Variants in DNM3 observed in about 807,000 individuals in gnomAD.
DNM3 encodes dynamin 3, also known as dynamin-3.
DNM3 carries 47 observed loss-of-function variants against 101.6 expected under a neutral mutation model. The observed-to-expected ratio is 0.46, with a 90% CI of 0.37 to 0.59. The LOEUF (loss-of-function observed/expected upper bound fraction) is 0.59. DNM3 is among the 20% of genes least tolerant of loss of function. The pLI is 0.00. For missense variants in DNM3, 849 were observed against 1,085.7 expected (o/e 0.78, Z 3.06); for synonymous variants, 385 against 387.9 (o/e 0.99, Z 0.09).
intron 14 of DNM3, among the ~76,000 whole-genome samples, chr1:172,181,340 A>T (rs1024907131): frequency 6.6e-6 from 1 of 151,114 alleles, no homozygotes; most frequent in Admixed American, 6.6e-5. Context: ...TTTCCTCTTG[A>T]TGAATCCTTT....
At chr1:172,081,509 C>G (rs575106663) in intron 11 of DNM3, among the ~76,000 whole-genome samples, 1 of 152,290 alleles carries the variant, frequency 6.6e-6, no homozygotes, top group South Asian at 2.1e-4. Context: ...GCTTGTCCTT[C>G]TTTTGAACAG....
At chr1:171,886,883 G>A (rs2036826099) in intron 1 of DNM3, among the ~76,000 whole-genome samples, 1 of 152,014 alleles carries the variant, frequency 6.6e-6, no homozygotes, top group Non-Finnish European at 1.5e-5. Context: ...GCACAGATTT[G>A]TCATCGTTTC....
chr1:172,082,195 A>G (rs1298271122), intron 12 of DNM3, among the ~76,000 whole-genome samples: 1 of 152,210 alleles, frequency 6.6e-6, no homozygotes, highest in African/African-American at 2.4e-5. Context: ...TTGAACTCCT[A>G]TAGAAAAACA....
At chr1:172,028,780 C>T (rs1054254499) in intron 4 of DNM3, among the ~76,000 whole-genome samples, 1 of 152,088 alleles carries the variant, frequency 6.6e-6, no homozygotes, top group Non-Finnish European at 1.5e-5. Flanking sequence ...ACTATAAACA[C>T]CTCTATGCAA....
intron 14 of DNM3, among the ~76,000 whole-genome samples, chr1:172,198,028 A>C (rs1381320622): frequency 1.3e-5 from 2 of 151,980 alleles, no homozygotes; most frequent in African/African-American, 4.8e-5. Flanking sequence ...CATTCAGTAA[A>C]ATGTTAGCTG....
At chr1:172,244,251 A>G (rs1332112936) in intron 14 of DNM3, among the ~76,000 whole-genome samples, 1 of 151,934 alleles carries the variant, frequency 6.6e-6, no homozygotes, top group Non-Finnish European at 1.5e-5. Context: ...ACATTTTCTT[A>G]ATCCAGTCTA....
At chr1:172,333,468 C>T (rs566550713) in intron 17 of DNM3, among the ~76,000 whole-genome samples, 2 of 152,176 alleles carry the variant, frequency 1.3e-5, no homozygotes, top group South Asian at 4.1e-4. Context: ...AGACAAATAT[C>T]CCAGAACAAA....
At chr1:171,992,903 G>A (rs2045731652) in intron 4 of DNM3, among the ~76,000 whole-genome samples, 1 of 151,426 alleles carries the variant, frequency 6.6e-6, no homozygotes, top group South Asian at 2.1e-4. Context: ...GGTTGCCATA[G>A]GATTACAATT....
At chr1:171,874,077 A>T (rs2035544412) in intron 1 of DNM3, among the ~76,000 whole-genome samples, 1 of 152,204 alleles carries the variant, frequency 6.6e-6, no homozygotes, top group South Asian at 2.1e-4. Context: ...AACTCATTTG[A>T]ACATTTATTG....
At chr1:171,901,516 G>A (rs1023338139) in intron 1 of DNM3, among the ~76,000 whole-genome samples, 3 of 152,186 alleles carry the variant, frequency 2.0e-5, no homozygotes. Flanking sequence ...GTGGGTGAGG[G>A]CAGGCACACT....
At chr1:172,057,824 G>A (rs1303357742) in intron 10 of DNM3, among the ~76,000 whole-genome samples, 1 of 149,872 alleles carries the variant, frequency 6.7e-6, no homozygotes, top group Non-Finnish European at 1.5e-5. Flanking sequence ...ATAATGACAG[G>A]ATCAAATTCA....
At chr1:172,290,980 G>A (rs563063483) in intron 15 of DNM3, among the ~76,000 whole-genome samples, 1 of 77,774 alleles carries the variant, frequency 1.3e-5, no homozygotes, top group East Asian at 4.0e-4. Flanking sequence ...GAGGACAGAG[G>A]GGGAGTGGTC....
chr1:172,336,827 G>C (rs2066454009), intron 17 of DNM3, among the ~76,000 whole-genome samples: 1 of 152,230 alleles, frequency 6.6e-6, no homozygotes, highest in South Asian at 2.1e-4. Context: ...TCAAATCCCA[G>C]CTCTGCTGCT....
At chr1:172,174,103 TTTCA>T (rs1414289968) in intron 14 of DNM3, among the ~76,000 whole-genome samples, 3 of 151,688 alleles carry the variant, frequency 2.0e-5, no homozygotes, top group Admixed American at 6.6e-5. Flanking sequence ...GCTCTGTTGA[TTTCA>T]TTGACTAGAA....
chr1:172,408,401 A>G lies in DNM3; in HGVS notation c.*560A>G. 2.0e-6 allele frequency: 2 copies of G among 985,948 alleles called. No individual in the cohort carries two copies. The highest frequency in any genetic ancestry group is 2.4e-6 in the Non-Finnish European group (2 of 830,298). The allele number at this position is 985,948 out of a possible 1,614,324, so 61.1% of individuals were successfully genotyped here. A position where few individuals can be genotyped will look rare whatever the true frequency, so the allele number is the denominator to read the frequency against. On this transcript the variant is annotated 3_prime_UTR_variant, in exon 21 of 21. Coordinates refer to ENST00000627582, the MANE Select transcript of DNM3 (RefSeq NM_015569.5). Reference sequence around the variant, plus strand: ...GGACTCCTTAAGAATAAACTTTTCCAGAAGCACGAGGTAGTTTGCAAAGGA... The same window carrying G: ...GGACTCCTTAAGAATAAACTTTTCCGGAAGCACGAGGTAGTTTGCAAAGGA...
intron 2 of DNM3, among the ~76,000 whole-genome samples, chr1:171,974,866 C>CTTTTTTTTTTTT (rs202081677): frequency 6.7e-6 from 1 of 149,496 alleles, no homozygotes; most frequent in African/African-American, 2.5e-5. Context: ...TCTTCTTCTA[C>CTTTTTTTTTTTT]TGTTTTTTTT....
At chr1:172,390,354 C>A (rs1374863857) in intron 20 of DNM3, among the ~76,000 whole-genome samples, 1 of 152,252 alleles carries the variant, frequency 6.6e-6, no homozygotes, top group Non-Finnish European at 1.5e-5. Flanking sequence ...CCCAAGGCTG[C>A]TCAGCCAGTC....
chr1:172,129,574 G>C (rs2056826384), intron 13 of DNM3, among the ~76,000 whole-genome samples: 1 of 152,164 alleles, frequency 6.6e-6, no homozygotes, highest in Non-Finnish European at 1.5e-5. Context: ...AAGGCAAAGA[G>C]AGACAAGTCA....
At chr1:171,959,569 C>CA (rs567856040) in intron 2 of DNM3, among the ~76,000 whole-genome samples, 1 of 151,952 alleles carries the variant, frequency 6.6e-6, no homozygotes, top group African/African-American at 2.4e-5. Flanking sequence ...TCTTTCAAAC[C>CA]AAAAAATGGA....
Sources: allele counts gnomAD v4.1 joint callset (sites outside exome capture counted in the v4.1 genomes callset), GRCh38; gene constraint gnomAD v4.1.1; transcripts MANE v1.5; gene names NCBI Gene and HGNC (gene_info 2026-07-23, HGNC 2026-07-21).